The following CSTL1 variants were observed in gnomAD, a reference collection of about 807,000 sequenced individuals.
CSTL1 encodes cystatin-like 1.
CSTL1 carries 14 observed loss-of-function variants against 14.4 expected under a neutral mutation model. The observed-to-expected ratio is 0.97, with a 90% CI of 0.64 to 1.52. CSTL1 has a LOEUF of 1.52. CSTL1 is among the 40% of genes most tolerant of loss of function. CSTL1 has a pLI of 0.00. For missense variants in CSTL1, 170 were observed against 168.7 expected (o/e 1.01, Z -0.04); for synonymous variants, 72 against 67.5 (o/e 1.07, Z -0.33).
chr20:23,447,461 CTTTTTCTTTTT>C (rs1986990757), downstream of CSTL1, among the ~76,000 whole-genome samples: 1 of 143,986 alleles, frequency 6.9e-6, no homozygotes, highest in African/African-American at 2.7e-5. Context: ...CTTTTCTTTT[CTTTTTCTTTTT>C]TTTTTTTTTT....
downstream of CSTL1, among the ~76,000 whole-genome samples, chr20:23,448,349 C>A (rs780649801): frequency 6.6e-6 from 1 of 152,204 alleles, no homozygotes; most frequent in Non-Finnish European, 1.5e-5. Flanking sequence ...CAGGAGTGGG[C>A]ACCCAGGCCC....
the CSTL1 span, chr20:23,451,897 G>A: frequency 4.7e-3 from 7,635 of 1,613,772 alleles, 264 homozygotes; most frequent in African/African-American, 0.086. Context: ...CCACATTCAG[G>A]TGATACTCCA....
chr20:23,447,467 C>CTTTTTTT (rs34114094), downstream of CSTL1, among the ~76,000 whole-genome samples: 1 of 136,808 alleles, frequency 7.3e-6, no homozygotes, highest in Non-Finnish European at 1.6e-5. Context: ...TTTTCTTTTT[C>CTTTTTTT]TTTTTTTTTT....
the CSTL1 span, among the ~76,000 whole-genome samples, chr20:23,455,174 G>T: frequency 6.6e-6 from 1 of 152,138 alleles, no homozygotes; most frequent in African/African-American, 2.4e-5. Context: ...TTTTTGGAGT[G>T]CCAGCCCTAT....
downstream of CSTL1, among the ~76,000 whole-genome samples, chr20:23,446,334 C>T (rs1986966393): frequency 2.0e-5 from 3 of 151,986 alleles, no homozygotes; most frequent in African/African-American, 7.3e-5. Context: ...TGGCTCACTG[C>T]AGTCTCCGCC....
downstream of CSTL1, among the ~76,000 whole-genome samples, chr20:23,447,614 T>C (rs377542626): frequency 4.6e-5 from 7 of 152,148 alleles, no homozygotes; most frequent in East Asian, 1.2e-3. Context: ...CCTGCCACCA[T>C]GCCCAGCTAA....
At chr20:23,443,822 C>T (rs975243324) in intron 2 of CSTL1, 112 bp from the exon 3 acceptor site, 18 of 732,528 alleles carry the variant, frequency 2.5e-5, no homozygotes, top group South Asian at 5.4e-5. Context: ...GTAAGCTCCG[C>T]GAACAAGAAC....
chr20:23,446,324 T>G (rs1986966097), downstream of CSTL1, among the ~76,000 whole-genome samples: 1 of 152,110 alleles, frequency 6.6e-6, no homozygotes, highest in African/African-American at 2.4e-5. Flanking sequence ...GGCACGATCT[T>G]GGCTCACTGC....
At chr20:23,454,658 G>C in the CSTL1 span, among the ~76,000 whole-genome samples, 1 of 152,184 alleles carries the variant, frequency 6.6e-6, no homozygotes, top group Non-Finnish European at 1.5e-5. Flanking sequence ...TTGTCTGGTG[G>C]CACAAAGGCA....
chr20:23,442,811 GC>G (rs542262117), intron 2 of CSTL1, among the ~76,000 whole-genome samples: 1 of 152,322 alleles, frequency 6.6e-6, no homozygotes, highest in East Asian at 1.9e-4. Flanking sequence ...CAGTGACAGG[GC>G]AAGGCAACAG....
At chr20:23,444,652 T>TC in intron 3 of CSTL1, 119 bp from the exon 4 acceptor site, 1 of 660,512 alleles carries the variant, frequency 1.5e-6, no homozygotes, top group Non-Finnish European at 2.7e-6. Context: ...TGTGGGCAGC[T>TC]CCCCTCTCTG....
chr20:23,451,488 C>T, the CSTL1 span, among the ~76,000 whole-genome samples: 4 of 152,194 alleles, frequency 2.6e-5, no homozygotes, highest in Admixed American at 6.5e-5. Flanking sequence ...ATTCAGTCAG[C>T]GCACCTGACA....
intron 2 of CSTL1, 114 bp from the exon 3 acceptor site, chr20:23,443,820 C>T (rs553216836): frequency 1.8e-4 from 129 of 719,860 alleles, no homozygotes; most frequent in East Asian, 1.5e-3. Context: ...GGGTAAGCTC[C>T]GCGAACAAGA....
the CSTL1 span, chr20:23,451,924 T>C: frequency 2.5e-6 from 4 of 1,611,682 alleles, no homozygotes; most frequent in Admixed American, 1.7e-5. Context: ...CAGTGACCTG[T>C]GGGCGCCAGG....
At chr20:23,451,774 GA>G in the CSTL1 span, 1 of 1,438,592 alleles carries the variant, frequency 7.0e-7, no homozygotes, top group East Asian at 2.3e-5. Context: ...AAACCTCACT[GA>G]AAAGGACTTC....
chr20:23,457,706 C>G, the CSTL1 span: 1 of 152,080 alleles, frequency 6.6e-6, no homozygotes, highest in Non-Finnish European at 1.5e-5. Context: ...TTTAAGAACC[C>G]CTCTTCTACA....
At chr20:23,451,794 T>G in the CSTL1 span, 104 of 1,574,848 alleles carry the variant, frequency 6.6e-5, 1 homozygote, top group Middle Eastern at 1.0e-3. Context: ...TCTGTCTACG[T>G]TAAAGTGCTT....
At chr20:23,450,583 T>C in the CSTL1 span, 7 of 1,606,998 alleles carry the variant, frequency 4.4e-6, no homozygotes, top group Admixed American at 6.7e-5. Context: ...AAGAAGCAGT[T>C]GACTTGCTAA....
chr20:23,444,301 C>G (rs1020736666), intron 3 of CSTL1, among the ~76,000 whole-genome samples: 4 of 152,242 alleles, frequency 2.6e-5, no homozygotes, highest in African/African-American at 9.6e-5. Flanking sequence ...TGCGTGAAAG[C>G]AGTGGTTCCC....
Sources: gnomAD v4.1 joint callset for allele counts (sites outside exome capture counted in the v4.1 genomes callset) on GRCh38, gnomAD v4.1.1 for gene constraint, MANE v1.5 for transcripts, NCBI Gene and HGNC (gene_info 2026-07-23, HGNC 2026-07-21) for gene names.